NUDT1: variants seen among roughly 807,000 people sequenced by gnomAD.
NUDT1 encodes nudix hydrolase 1.
A neutral mutation model predicts 11.3 loss-of-function variants in NUDT1; 16 were observed. That is an observed-to-expected ratio of 1.41 (90% CI 0.96 to 2.15). The LOEUF (loss-of-function observed/expected upper bound fraction) is 2.15, where lower values mean the gene tolerates loss of function less well. Among genes scored for constraint, NUDT1 ranks in the 30% most tolerant of loss-of-function variants. NUDT1 has a pLI of 0.00. For missense variants in NUDT1, 234 were observed against 208.4 expected (o/e 1.12, Z -0.76); for synonymous variants, 101 against 84.4 (o/e 1.20, Z -1.08).
intron 2 of NUDT1, 191 bp from the exon 3 acceptor site, chr7:2,249,650 ATCAGTGTCTTCAAAGT>A (rs769380037): frequency 8.4e-4 from 538 of 639,432 alleles, no homozygotes; most frequent in Middle Eastern, 4.7e-3. Flanking sequence ...CTCAACCAAA[ATCAGTGTCTTCAAAGT>A]TCAAGTTGAT....
intron 1 of NUDT1, among the ~76,000 whole-genome samples, chr7:2,243,905 G>C (rs10252542): frequency 0.062 from 9,475 of 152,290 alleles, 1,039 homozygotes; most frequent in African/African-American, 0.21. Context: ...GAGCAGGAAG[G>C]ACCCTTGTGA....
At chr7:2,244,431 AG>A in intron 1 of NUDT1, 131 bp from the exon 2 acceptor site, 1 of 862,598 alleles carries the variant, frequency 1.2e-6, no homozygotes, top group Non-Finnish European at 1.7e-6. Context: ...CACACGTGGC[AG>A]GGCTGGGGAG....
At chr7:2,247,783 C>T (rs1794828558) in intron 2 of NUDT1, among the ~76,000 whole-genome samples, 1 of 152,220 alleles carries the variant, frequency 6.6e-6, no homozygotes, top group African/African-American at 2.4e-5. Flanking sequence ...CCTACGCTGC[C>T]ATGTGCTAGG....
chr7:2,242,684 A>G (rs1794595795), intron 1 of NUDT1: 1 of 399,908 alleles, frequency 2.5e-6, no homozygotes, highest in Non-Finnish European at 4.5e-6. Flanking sequence ...GCGTGCGATG[A>G]GGATGTGGCT....
chr7:2,249,043 C>T (rs983520096), intron 2 of NUDT1, among the ~76,000 whole-genome samples: 5 of 152,210 alleles, frequency 3.3e-5, no homozygotes, highest in Non-Finnish European at 5.9e-5. Context: ...TTAGCAACAG[C>T]GTTAGACTAC....
chr7:2,244,552 C>G lies in NUDT1; in HGVS notation c.-12-11C>G. The G allele has an allele frequency of 6.5e-7, 1 of 1,538,370 alleles. No individual in the cohort carries two copies. The highest frequency in any genetic ancestry group is 8.8e-7 in the Non-Finnish European group (1 of 1,141,498). On this transcript the variant is annotated splice_polypyrimidine_tract_variant and intron_variant, in intron 1 of 3. Transcript: ENST00000356714. ...GTCATGGCTGACTCTGCCCTCTCAC[C>G]TTCCTTTCAGAACCCAGGGACCATG...
At position 2,250,906 on chromosome 7, in the gene NUDT1, C is replaced by A. The variant is rs1794994287; in HGVS notation, c.376C>A (p.Leu126Ile). Residue 126 changes from leucine (L) to isoleucine (I), a missense_variant, in exon 4 of 4, where the codon CTC (leucine) becomes ATC (isoleucine). By Grantham distance (5) the Leu-to-Ile change is conservative (BLOSUM62 2). Coordinates refer to ENST00000356714, the MANE Select transcript of NUDT1 (RefSeq NM_002452.4). ...GCCCGACGACAGCTACTGGTTTCCA[C>A]TCCTGCTTCAGAAGAAGAAATTCCA... ...MWPDDSYWFP[L>I]LLQKKKFHGY... is the part of the protein sequence containing the mutation. The A allele has an allele frequency of 1.2e-6, 2 of 1,614,194 alleles. No homozygotes were observed. The highest frequency in any genetic ancestry group is 1.6e-4 in the Middle Eastern group (1 of 6,062).
chr7:2,245,037 G>A (rs1210514961), intron 2 of NUDT1, among the ~76,000 whole-genome samples: 4 of 152,218 alleles, frequency 2.6e-5, no homozygotes, highest in Non-Finnish European at 5.9e-5. Flanking sequence ...AAGCCTCTGT[G>A]CAGCAGCTTG....
At chr7:2,249,069 C>A (rs1794877478) in intron 2 of NUDT1, among the ~76,000 whole-genome samples, 1 of 152,190 alleles carries the variant, frequency 6.6e-6, no homozygotes, top group African/African-American at 2.4e-5. Flanking sequence ...GGAAACCTGG[C>A]TCTGTGTGCC....
intron 2 of NUDT1, chr7:2,248,284 A>G (rs1373163276): frequency 6.6e-6 from 1 of 152,270 alleles, no homozygotes; most frequent in Admixed American, 6.5e-5. Flanking sequence ...CCAGGGTCCC[A>G]GCACAGAGTG....
intron 3 of NUDT1, among the ~76,000 whole-genome samples, 195 bp from the exon 4 acceptor site, chr7:2,250,634 A>G (rs528979445): frequency 3.6e-4 from 54 of 150,532 alleles, no homozygotes; most frequent in African/African-American, 1.3e-3. Flanking sequence ...ATTTTTTTGT[A>G]TTTTTAGTAG....
intron 1 of NUDT1, chr7:2,242,605 C>A: frequency 3.0e-6 from 1 of 335,250 alleles, no homozygotes; most frequent in Admixed American, 4.4e-5. Context: ...TTTACCCTGT[C>A]TGACCTGCCT....
At position 2,249,834 on chromosome 7, in the gene NUDT1, CCCCTG is replaced by C. The variant is rs754325208; in HGVS notation, c.153-19_153-15del. ...GGCACCATGCCCTGACGGCCTCCCT[CCCCTG>C]CCCACCTCTGCCCGCAGGGAGCTGC... On this transcript the variant is annotated intron_variant, in intron 2 of 3. Transcript: ENST00000356714. The C allele has an allele frequency of 1.9e-6, 3 of 1,611,136 alleles. No homozygotes were observed. Among genetic ancestry groups the C allele is most frequent in the Non-Finnish European group, 2.5e-6 (3 of 1,179,974 alleles).
intron 1 of NUDT1, 113 bp from the exon 2 acceptor site, chr7:2,244,450 A>T: frequency 1.1e-6 from 1 of 895,188 alleles, no homozygotes; most frequent in Non-Finnish European, 1.7e-6. Flanking sequence ...GAGTTACAGC[A>T]TACCCCCCCG....
intron 2 of NUDT1, among the ~76,000 whole-genome samples, chr7:2,247,103 C>G (rs1794797426): frequency 6.6e-6 from 1 of 152,316 alleles, no homozygotes; most frequent in Non-Finnish European, 1.5e-5. Context: ...CCAGCACGGC[C>G]CTGGGCTTCA....
intron 3 of NUDT1, among the ~76,000 whole-genome samples, chr7:2,250,357 G>C (rs1325598273): frequency 1.3e-5 from 2 of 152,242 alleles, no homozygotes; most frequent in Non-Finnish European, 2.9e-5. Context: ...ACTGTGGACT[G>C]TGGGAGGCCG....
In NUDT1 at chr7:2,244,567, C is replaced by T. The variant is rs116091061; in HGVS notation, c.-8C>T. The T allele has an allele frequency of 2.6e-6, 4 of 1,564,564 alleles. No homozygotes were observed. In the East Asian group the frequency reaches 9.0e-5, roughly 35 times the overall value. ...GCCCTCTCACCTTCCTTTCAGAACC[C>T]AGGGACCATGGGCGCCTCCAGGCTC... On this transcript the variant is annotated 5_prime_UTR_variant, in exon 2 of 4. Transcript: ENST00000356714.
At chr7:2,244,320 G>C (rs541190192) in intron 1 of NUDT1, among the ~76,000 whole-genome samples, 57 of 152,208 alleles carry the variant, frequency 3.7e-4, no homozygotes, top group African/African-American at 1.4e-3. Context: ...GGTAGCGCCG[G>C]CCTCTGCTCT....
intron 2 of NUDT1, among the ~76,000 whole-genome samples, chr7:2,248,520 C>T (rs886292069): frequency 1.3e-5 from 2 of 150,050 alleles, no homozygotes; most frequent in Non-Finnish European, 2.9e-5. Flanking sequence ...GTGGAAAGCC[C>T]GAGGTATAAA....
Sources: allele counts gnomAD v4.1 joint callset (sites outside exome capture counted in the v4.1 genomes callset), GRCh38; gene constraint gnomAD v4.1.1; transcripts MANE v1.5; gene names NCBI Gene and HGNC (gene_info 2026-07-23, HGNC 2026-07-21).